The following NHLRC2 variants were observed in gnomAD, a reference collection of about 807,000 sequenced individuals.
NHLRC2 encodes NHL repeat containing 2, also known as NHL repeat-containing protein 2.
Under a neutral mutation model 68.1 loss-of-function variants are expected in NHLRC2, and 33 were observed. That is an observed-to-expected ratio of 0.48 (90% CI 0.37 to 0.65). The LOEUF is 0.65. Among genes scored for constraint, NHLRC2 ranks in the 30% least tolerant of loss-of-function variants. The pLI is 0.00. For synonymous variants in NHLRC2, 311 were observed against 309.6 expected (o/e 1.00, Z -0.05); for missense variants, 761 against 853.8 (o/e 0.89, Z 1.35).
At chr10:113,874,710 T>G (rs1271180475) in intron 2 of NHLRC2, among the ~76,000 whole-genome samples, 1 of 152,078 alleles carries the variant, frequency 6.6e-6, no homozygotes, top group African/African-American at 2.4e-5. Context: ...TTGAAACTGT[T>G]CCACAGGTCC....
intron 5 of NHLRC2, among the ~76,000 whole-genome samples, chr10:113,891,061 T>C (rs904030738): frequency 2.9e-4 from 44 of 152,122 alleles, no homozygotes; most frequent in African/African-American, 9.4e-4. Context: ...TTCCACCAGG[T>C]CCCTCCCTCG....
In NHLRC2 at chr10:113,910,724, G is replaced by A. The variant is rs1222962156; in HGVS notation, c.*2188G>A. The A allele has an allele frequency of 6.6e-6, 1 of 152,152 alleles. No homozygotes were observed. Among genetic ancestry groups the A allele is most frequent in the African/African-American group, 2.4e-5 (1 of 41,432 alleles). The allele number at this position is 152,152 out of a possible 1,614,324, so 9.4% of individuals were successfully genotyped here. A position where few individuals can be genotyped will look rare whatever the true frequency, so the allele number is the denominator to read the frequency against. ...TGTTTGTTATACATGTTCATGTACA[G>A]TGAAAATGCAAAGGCATTTTTTAGA... On this transcript the variant is annotated 3_prime_UTR_variant, in exon 11 of 11. Coordinates refer to ENST00000369301, the MANE Select transcript of NHLRC2 (RefSeq NM_198514.4).
At position 113,876,922 on chromosome 10, in the gene NHLRC2, C is replaced by T. The variant is rs1437890092; in HGVS notation, c.733C>T (p.His245Tyr). Residue 245 changes from histidine to tyrosine, a missense_variant, in exon 3 of 11, where the codon CAT becomes TAT. His to Tyr is a moderately conservative substitution (Grantham distance 83). Coordinates refer to ENST00000369301, the MANE Select transcript of NHLRC2 (RefSeq NM_198514.4). ...TDRLVIADTG[H>Y]HRILVVWKNG... The stretch of plus-strand genomic sequence containing the variant: ...TAGATTGGTAATAGCAGACACTGGA[C>T]ATCATAGAATTTTGGTCGTTTGGAA... The T allele has an allele frequency of 1.2e-6, 2 of 1,607,388 alleles. No individual in the cohort carries two copies. The highest frequency in any genetic ancestry group is 2.2e-5 in the East Asian group (1 of 44,808).
intron 2 of NHLRC2, among the ~76,000 whole-genome samples, chr10:113,868,849 G>T (rs1564851384): frequency 6.6e-6 from 1 of 152,162 alleles, no homozygotes; most frequent in Non-Finnish European, 1.5e-5. Context: ...TAGTAGGTGA[G>T]AACAGATGAG....
chr10:113,867,772 T>A (rs2134696068), intron 2 of NHLRC2, among the ~76,000 whole-genome samples: 1 of 152,308 alleles, frequency 6.6e-6, no homozygotes, highest in African/African-American at 2.4e-5. Context: ...TTTTTTAGCA[T>A]CTTTCGAAAT....
chr10:113,878,384 A>C (rs536210978), intron 3 of NHLRC2, among the ~76,000 whole-genome samples: 1 of 152,180 alleles, frequency 6.6e-6, no homozygotes, highest in East Asian at 1.9e-4. Flanking sequence ...ACTTGTATGA[A>C]CTCATTTTTG....
At chr10:113,873,038 C>G (rs1845942263) in intron 2 of NHLRC2, among the ~76,000 whole-genome samples, 2 of 152,072 alleles carry the variant, frequency 1.3e-5, no homozygotes, top group South Asian at 2.1e-4. Flanking sequence ...CATTGAAAAA[C>G]AAAGAACGTA....
chr10:113,903,797 A>G (rs1034913061), intron 9 of NHLRC2, 61 bp downstream of exon 9: 1 of 957,238 alleles, frequency 1.0e-6, no homozygotes, highest in African/African-American at 1.6e-5. Flanking sequence ...TAAGATCCTC[A>G]CAGCACTGAC....
rs2134746692 is a variant in NHLRC2, at chr10:113,910,903, AAT to A, written c.*2370_*2371del. The A allele has an allele frequency of 6.6e-6, 1 of 150,416 alleles. No individual in the cohort carries two copies. The highest frequency in any genetic ancestry group is 2.1e-4 in the South Asian group (1 of 4,828). 9.3% of individuals were successfully genotyped at this position (150,416 alleles called of 1,614,324 possible). A position where few individuals can be genotyped will look rare whatever the true frequency, so the allele number is the denominator to read the frequency against. On this transcript the variant is annotated 3_prime_UTR_variant, in exon 11 of 11. Coordinates refer to ENST00000369301, the MANE Select transcript of NHLRC2 (RefSeq NM_198514.4). ...TTAAAAGTATTATTTATAGTAGACTAATATGATTTTGAATAAAATCACACTTA... is the reference window on the plus strand; with the variant it reads ...TTAAAAGTATTATTTATAGTAGACTAATGATTTTGAATAAAATCACACTTA...
At chr10:113,885,541 A>T (rs1421751663) in intron 5 of NHLRC2, among the ~76,000 whole-genome samples, 2 of 151,874 alleles carry the variant, frequency 1.3e-5, no homozygotes, top group African/African-American at 4.8e-5. Flanking sequence ...AGTACTTTTC[A>T]CTTTTACCTC....
chr10:113,893,589 T>A (rs369918687), intron 5 of NHLRC2, among the ~76,000 whole-genome samples: 1 of 152,196 alleles, frequency 6.6e-6, no homozygotes, highest in South Asian at 2.1e-4. Flanking sequence ...TCCAAACACC[T>A]GAACCCTGAC....
chr10:113,895,243 C>T (rs114383662), intron 5 of NHLRC2, among the ~76,000 whole-genome samples: 2,257 of 152,074 alleles, frequency 0.015, 62 homozygotes, highest in African/African-American at 0.052. Context: ...TTTGTGGTTT[C>T]TAGGGGAAAG....
rs1025873316 is a variant in NHLRC2 at position 113,908,352 on chromosome 10, C to T, written c.1997C>T (p.Ser666Leu). Residue 666 changes from serine to leucine, a missense_variant, in exon 11 of 11, where the codon TCA (serine) becomes TTA (leucine). Physicochemically the swap from Ser to Leu is moderately radical, Grantham distance 145. Coordinates refer to ENST00000369301, the MANE Select transcript of NHLRC2 (RefSeq NM_198514.4). ...AACATTTCCAGTCAACCAACAATTT[C>T]ACTACAAATTCCTGATGATTGCTTA... ...IENISSQPTI[S>L]LQIPDDCLSL... is the part of the protein sequence containing the mutation. 6.2e-7 allele frequency: 1 copy of T among 1,613,664 alleles called. No homozygotes were observed. The highest frequency in any genetic ancestry group is 1.3e-5 in the African/African-American group (1 of 75,030).
intron 5 of NHLRC2, among the ~76,000 whole-genome samples, chr10:113,893,496 T>C (rs745654428): frequency 1.3e-5 from 2 of 152,156 alleles, no homozygotes; most frequent in Non-Finnish European, 2.9e-5. Flanking sequence ...ATAATCCACG[T>C]AAAATTATTA....
chr10:113,898,432 C>T (rs1469621003), intron 6 of NHLRC2, among the ~76,000 whole-genome samples: 3 of 152,198 alleles, frequency 2.0e-5, no homozygotes, highest in Admixed American at 6.5e-5. Context: ...ATGAAACAGC[C>T]TGGAGCTTTC....
Position 113,854,825 on chromosome 10 carries a change from G to GA in NHLRC2, c.-47dup. ...CAGTGAACGTTTCGTCTCTCCCAGC[G>GA]AGACTCTCCCGCGGGCCCGGCGGCC... On this transcript the variant is annotated 5_prime_UTR_variant, in exon 1 of 11. Transcript: ENST00000369301. The GA allele has an allele frequency of 6.7e-7, 1 of 1,501,770 alleles. No homozygotes were observed. 93.0% of individuals were successfully genotyped at this position (1,501,770 alleles called of 1,614,324 possible). A position where few individuals can be genotyped will look rare whatever the true frequency, so the allele number is the denominator to read the frequency against.
chr10:113,876,499 A>G (rs1421902260), intron 2 of NHLRC2, 22 bp from the exon 3 acceptor site: 1 of 1,352,642 alleles, frequency 7.4e-7, no homozygotes, highest in Non-Finnish European at 1.0e-6. Context: ...ATAATGTTTA[A>G]CATATAATTT....
chr10:113,908,766 A>G lies in NHLRC2; in HGVS notation c.*230A>G. The G allele has an allele frequency of 1.8e-6, 1 of 541,120 alleles. No homozygotes were observed. The highest frequency in any genetic ancestry group is 2.3e-5 in the South Asian group (1 of 44,072). The allele number at this position is 541,120 out of a possible 1,614,324, so 33.5% of individuals were successfully genotyped here. A position where few individuals can be genotyped will look rare whatever the true frequency, so the allele number is the denominator to read the frequency against. On this transcript the variant is annotated 3_prime_UTR_variant, in exon 11 of 11. Transcript: ENST00000369301. ...AGCTGAGTCATTGATCATCATTGGT[A>G]CCATGATATTGTAATCTATGCTGCT... is the stretch of plus-strand genomic sequence containing the variant.
chr10:113,863,870 T>G (rs919040979), intron 2 of NHLRC2, among the ~76,000 whole-genome samples: 3 of 152,170 alleles, frequency 2.0e-5, no homozygotes, highest in African/African-American at 7.2e-5. Flanking sequence ...CTAGATGAAG[T>G]AGACAAATTT....
Sources: gnomAD v4.1 joint callset for allele counts (sites outside exome capture counted in the v4.1 genomes callset) on GRCh38, gnomAD v4.1.1 for gene constraint, MANE v1.5 for transcripts, NCBI Gene and HGNC (gene_info 2026-07-23, HGNC 2026-07-21) for gene names.